The following CNBD1 variants were observed in gnomAD, a reference collection of about 807,000 sequenced individuals.
The protein encoded by CNBD1 is cyclic nucleotide-binding domain-containing protein 1.
In CNBD1, 71 loss-of-function variants were observed where a neutral mutation model predicts 54.4. The ratio of observed to expected loss-of-function variants is 1.30; its 90% CI spans 1.08 to 1.59. CNBD1 has a LOEUF of 1.59. Ranked by LOEUF, CNBD1 falls within the 40% of genes most tolerant of loss-of-function variation. The pLI, the probability that CNBD1 is intolerant of heterozygous loss-of-function variation, is 0.00. For missense variants in CNBD1, 659 were observed against 518.0 expected, an observed-to-expected ratio of 1.27 and a Z score of -2.64; for synonymous variants, 182 against 170.7, an observed-to-expected ratio of 1.07 and a Z score of -0.51.
intron 4 of CNBD1, among the ~76,000 whole-genome samples, chr8:87,139,784 T>C (rs1812334742): frequency 6.6e-6 from 1 of 152,188 alleles, no homozygotes; most frequent in Admixed American, 6.5e-5. Flanking sequence ...GTTGATGTTG[T>C]AAGACAGCCT....
At chr8:87,259,370 C>CA (rs925636108) in intron 6 of CNBD1, among the ~76,000 whole-genome samples, 3 of 152,096 alleles carry the variant, frequency 2.0e-5, no homozygotes, top group Admixed American at 6.6e-5. Context: ...ATAAATTGAA[C>CA]AATTTTCAAA....
chr8:87,357,623 G>C lies in CNBD1; in HGVS notation c.1303+3837G>C, dbSNP rs956429998. Among the ~76,000 whole-genome samples, 4 of 152,246 alleles carry C rather than the reference G, an allele frequency of 2.6e-5. No homozygotes were observed. In the East Asian group the frequency reaches 7.7e-4, roughly 29 times the overall value. ...ACTGTATCTTGGAAATTAATAACTT[G>C]TTTTTGGTCTTACAGGCTCATAGGT... On this transcript the variant is annotated intron_variant, in intron 10 of 10. Transcript: ENST00000518476.
At chr8:87,252,662 C>G (rs1563524674) in intron 6 of CNBD1, among the ~76,000 whole-genome samples, 1 of 152,026 alleles carries the variant, frequency 6.6e-6, no homozygotes, top group Non-Finnish European at 1.5e-5. Flanking sequence ...TAGTAAAGTT[C>G]TGATAGATGT....
intron 4 of CNBD1, among the ~76,000 whole-genome samples, chr8:86,960,397 G>A (rs1391042010): frequency 1.3e-5 from 2 of 152,180 alleles, no homozygotes; most frequent in African/African-American, 4.8e-5. Context: ...TAGCACAGCA[G>A]TCTGAGATCG....
At chr8:87,172,226 G>A (rs907767593) in intron 4 of CNBD1, among the ~76,000 whole-genome samples, 5 of 151,968 alleles carry the variant, frequency 3.3e-5, no homozygotes, top group East Asian at 3.9e-4. Context: ...CATTGTGGTC[G>A]AAGAAGATGC....
intron 2 of CNBD1, among the ~76,000 whole-genome samples, chr8:87,390,514 A>G (rs1811285901): frequency 6.6e-6 from 1 of 152,222 alleles, no homozygotes; most frequent in Non-Finnish European, 1.5e-5. Flanking sequence ...TGGCCATCAG[A>G]AAAATGCAAA....
chr8:87,338,619 G>GT (rs71277935), intron 8 of CNBD1, among the ~76,000 whole-genome samples: 6,562 of 139,914 alleles, frequency 0.047, 365 homozygotes, highest in African/African-American at 0.15. Flanking sequence ...TTTTTTCTTT[G>GT]TTTTTTTTTT....
intron 4 of CNBD1, among the ~76,000 whole-genome samples, chr8:87,027,202 G>A (rs1036097048): frequency 6.6e-6 from 1 of 151,096 alleles, no homozygotes; most frequent in African/African-American, 2.4e-5. Context: ...TTGCTCAATA[G>A]GTAATGCAAT....
At chr8:86,969,337 A>C (rs927585343) in intron 4 of CNBD1, among the ~76,000 whole-genome samples, 7 of 152,174 alleles carry the variant, frequency 4.6e-5, no homozygotes, top group Non-Finnish European at 8.8e-5. Context: ...GAAGAGATGA[A>C]ATTTGTAAAC....
chr8:86,906,474 A>G (rs1809018474), intron 3 of CNBD1, among the ~76,000 whole-genome samples: 1 of 120,250 alleles, frequency 8.3e-6, no homozygotes, highest in African/African-American at 3.6e-5. Flanking sequence ...AGATCAAACT[A>G]CATCCCTAGA....
chr8:86,897,026 G>A (rs896681026), intron 2 of CNBD1, among the ~76,000 whole-genome samples: 2 of 152,162 alleles, frequency 1.3e-5, no homozygotes, highest in Non-Finnish European at 2.9e-5. Context: ...GTCTTGGTGA[G>A]AATGTGGGAA....
intron 3 of CNBD1, among the ~76,000 whole-genome samples, chr8:86,914,198 A>G (rs1039648725): frequency 1.3e-5 from 2 of 152,228 alleles, no homozygotes; most frequent in African/African-American, 4.8e-5. Context: ...CAGTTTATGC[A>G]GATGACAGGA....
At chr8:87,249,391 A>G (rs1188731242) in intron 6 of CNBD1, among the ~76,000 whole-genome samples, 1 of 152,124 alleles carries the variant, frequency 6.6e-6, no homozygotes, top group Non-Finnish European at 1.5e-5. Flanking sequence ...GATTCTTAAC[A>G]GGCCACAGAG....
intron 8 of CNBD1, among the ~76,000 whole-genome samples, chr8:87,307,757 T>C (rs1329583636): frequency 6.7e-6 from 1 of 148,444 alleles, no homozygotes; most frequent in Non-Finnish European, 1.5e-5. Flanking sequence ...ATTATATATA[T>C]ATATATATAA....
intron 6 of CNBD1, among the ~76,000 whole-genome samples, chr8:87,269,225 G>A (rs868732747): frequency 1.3e-4 from 19 of 151,990 alleles, no homozygotes; most frequent in African/African-American, 3.6e-4. Flanking sequence ...TAAGGATGGT[G>A]GCTGTAGGTA....
At chr8:86,998,359 G>A (rs966242645) in intron 4 of CNBD1, among the ~76,000 whole-genome samples, 4 of 151,998 alleles carry the variant, frequency 2.6e-5, no homozygotes, top group African/African-American at 9.7e-5. Context: ...ACACTAGGTA[G>A]GACTTCAGCA....
intron 3 of CNBD1, among the ~76,000 whole-genome samples, chr8:86,937,751 C>A (rs1554632072): frequency 6.6e-6 from 1 of 152,044 alleles, no homozygotes; most frequent in Non-Finnish European, 1.5e-5. Context: ...CCTCCTAGGC[C>A]CTGTGGCTTG....
intron 4 of CNBD1, among the ~76,000 whole-genome samples, chr8:87,009,747 G>A (rs977264184): frequency 2.4e-4 from 36 of 152,100 alleles, no homozygotes; most frequent in African/African-American, 8.2e-4. Flanking sequence ...AGAACTTTTA[G>A]TATTTCTTTA....
intron 6 of CNBD1, among the ~76,000 whole-genome samples, chr8:87,239,766 C>T (rs1038428876): frequency 9.2e-5 from 14 of 152,022 alleles, no homozygotes; most frequent in Admixed American, 9.2e-4. Flanking sequence ...CTCTTTACTA[C>T]ACCCTGGACG....
Sources: gnomAD v4.1 joint callset for allele counts (sites outside exome capture counted in the v4.1 genomes callset) on GRCh38, gnomAD v4.1.1 for gene constraint, MANE v1.5 for transcripts, NCBI Gene and HGNC (gene_info 2026-07-23, HGNC 2026-07-21) for gene names.